Variants in UTS2B observed in about 807,000 individuals in gnomAD.
The protein encoded by UTS2B is urotensin 2B, also known as urotensin-2B.
UTS2B carries 21 observed loss-of-function variants against 19.2 expected under a neutral mutation model. The ratio of observed to expected loss-of-function variants is 1.09; its 90% confidence interval spans 0.78 to 1.58. UTS2B has a LOEUF of 1.58. Ranked by LOEUF, UTS2B falls within the 40% of genes most tolerant of loss-of-function variation. The probability of loss-of-function intolerance (pLI) is 0.00; values close to 1 mark genes in which losing one functional copy is unlikely to be tolerated. For synonymous variants in UTS2B, 57 were observed against 50.2 expected, an observed-to-expected ratio of 1.14 and a Z score of -0.58; for missense variants, 138 against 130.3, an observed-to-expected ratio of 1.06 and a Z score of -0.29.
upstream of UTS2B, among the ~76,000 whole-genome samples, chr3:191,331,125 AT>A: frequency 6.6e-6 from 1 of 152,266 alleles, no homozygotes; most frequent in Non-Finnish European, 1.5e-5. Flanking sequence ...ACTTTTGGAT[AT>A]GAGGGTTTTT....
intron 5 of UTS2B, among the ~76,000 whole-genome samples, chr3:191,280,441 T>C (rs1716355132): frequency 1.3e-5 from 2 of 152,162 alleles, no homozygotes; most frequent in African/African-American, 2.4e-5. Context: ...GATAAATGCT[T>C]ATTTTAAAAT....
chr3:191,304,574 T>G (rs1361769860), intron 3 of UTS2B, 26 bp from the exon 4 acceptor site: 1 of 152,226 alleles, frequency 6.6e-6, no homozygotes, highest in African/African-American at 2.4e-5. Flanking sequence ...TTATACAATG[T>G]GAATATAATG....
At chr3:191,328,351 C>T (rs773086486) in intron 2 of UTS2B, 1 of 152,250 alleles carries the variant, frequency 6.6e-6, no homozygotes, top group Admixed American at 6.5e-5. Flanking sequence ...CTGGGGATAT[C>T]CTGCTTTGCT....
chr3:191,338,042 CT>C, the UTS2B span, among the ~76,000 whole-genome samples: 333 of 152,082 alleles, frequency 2.2e-3, 1 homozygote, highest in African/African-American at 7.8e-3. Flanking sequence ...ACTTTTTTGG[CT>C]TTTGTTTTTC....
At chr3:191,284,510 C>T (rs745760511) in intron 4 of UTS2B, among the ~76,000 whole-genome samples, 21 of 121,184 alleles carry the variant, frequency 1.7e-4, no homozygotes, top group South Asian at 1.5e-3. Context: ...TTAGTAGAGA[C>T]GGGGTTTCAC....
chr3:191,279,317 C>T (rs922121337), intron 5 of UTS2B, among the ~76,000 whole-genome samples: 1 of 151,826 alleles, frequency 6.6e-6, no homozygotes, highest in Non-Finnish European at 1.5e-5. Flanking sequence ...AAATTTTGCT[C>T]AGCATCAATT....
At chr3:191,317,191 G>A (rs1015232707) in intron 2 of UTS2B, among the ~76,000 whole-genome samples, 3 of 152,218 alleles carry the variant, frequency 2.0e-5, no homozygotes, top group Admixed American at 6.5e-5. Context: ...GTTCCAGTGC[G>A]GCGCTCAGTG....
At chr3:191,311,391 A>G (rs190620678) in intron 3 of UTS2B, among the ~76,000 whole-genome samples, 10 of 152,286 alleles carry the variant, frequency 6.6e-5, no homozygotes, top group Admixed American at 6.5e-4. Flanking sequence ...AAGGGCTGTG[A>G]TTTTCCAAAG....
chr3:191,297,214 C>T (rs1045241772), intron 4 of UTS2B, among the ~76,000 whole-genome samples: 1 of 152,078 alleles, frequency 6.6e-6, no homozygotes. Context: ...ATACTTCTGT[C>T]CTTGGCCACT....
intron 5 of UTS2B, among the ~76,000 whole-genome samples, chr3:191,278,589 C>T (rs578024377): frequency 1.3e-5 from 2 of 152,032 alleles, no homozygotes; most frequent in Non-Finnish European, 2.9e-5. Context: ...CATTTATATA[C>T]ACATTTATAT....
At chr3:191,322,048 A>ATGTG (rs60815436) in intron 2 of UTS2B, among the ~76,000 whole-genome samples, 40,742 of 150,946 alleles carry the variant, frequency 0.27, 7,108 homozygotes, top group African/African-American at 0.48. Context: ...ATACATATAT[A>ATGTG]TGTGTGTGTG....
chr3:191,332,815 C>T (rs1055957745), upstream of UTS2B, among the ~76,000 whole-genome samples: 58 of 152,304 alleles, frequency 3.8e-4, no homozygotes, highest in African/African-American at 1.3e-3. Context: ...GTTCCTGTAT[C>T]GGTAAATGAA....
intron 4 of UTS2B, chr3:191,294,531 CTATGATAAATG>C (rs1716806557): frequency 6.6e-6 from 1 of 151,924 alleles, no homozygotes; most frequent in Non-Finnish European, 1.5e-5. Flanking sequence ...GAGCTATGAG[CTATGATAAATG>C]TCCATGTTGT....
At chr3:191,284,414 C>T (rs940040183) in intron 4 of UTS2B, among the ~76,000 whole-genome samples, 6 of 151,826 alleles carry the variant, frequency 4.0e-5, no homozygotes, top group Non-Finnish European at 8.8e-5. Context: ...CTTCACCTCC[C>T]AGGTTCAATC....
chr3:191,291,179 TG>T (rs1716703103), intron 4 of UTS2B, among the ~76,000 whole-genome samples: 1 of 152,198 alleles, frequency 6.6e-6, no homozygotes. Context: ...ATTGTTAAGT[TG>T]TAAGAGTTCA....
Position 191,300,809 on chromosome 3 carries a change from T to C in UTS2B, c.-125+3683A>G, listed in dbSNP as rs111429776. ...CTCTCTCTTGCTCTTGCTCTGGCCA[T>C]GTAAGATGTGCCTGCTTTATGTTTG... On this transcript the variant is annotated intron_variant, in intron 4 of 8. Transcript: ENST00000340524. Among the ~76,000 whole-genome samples, 486 of 152,342 alleles carry C rather than the reference T, an allele frequency of 3.2e-3. 5 individuals carry two copies. Among genetic ancestry groups the C allele is most frequent in the African/African-American group, 0.011 (457 of 41,592 alleles).
chr3:191,335,218 T>A (rs1447460804), upstream of UTS2B, among the ~76,000 whole-genome samples: 1 of 152,184 alleles, frequency 6.6e-6, no homozygotes, highest in South Asian at 2.1e-4. Context: ...AAGTAAATGC[T>A]GCTTGAAATC....
chr3:191,274,504 T>TA (rs1259256699), intron 8 of UTS2B, among the ~76,000 whole-genome samples: 1 of 152,188 alleles, frequency 6.6e-6, no homozygotes, highest in Non-Finnish European at 1.5e-5. Context: ...TAGTCAAAGT[T>TA]AAAATTTGAA....
At chr3:191,319,852 T>C (rs1576936104) in intron 2 of UTS2B, among the ~76,000 whole-genome samples, 1 of 145,752 alleles carries the variant, frequency 6.9e-6, no homozygotes, top group African/African-American at 2.5e-5. Context: ...CAGGCAACAG[T>C]GCGAGACTTG....
Sources: allele counts gnomAD v4.1 joint callset (sites outside exome capture counted in the v4.1 genomes callset), GRCh38; gene constraint gnomAD v4.1.1; transcripts MANE v1.5; gene names NCBI Gene and HGNC (gene_info 2026-07-23, HGNC 2026-07-21).